DZIP1L: variants seen among roughly 807,000 people sequenced by gnomAD.
DZIP1L encodes the protein cilium assembly protein DZIP1L.
A neutral mutation model predicts 88.7 loss-of-function variants in DZIP1L; 90 were observed. That is an observed-to-expected ratio of 1.02 (90% CI 0.86 to 1.21). The LOEUF is 1.21. Ranked by LOEUF, DZIP1L falls within the 50% of genes most tolerant of loss-of-function variation. The pLI is 0.00. For synonymous variants in DZIP1L, 363 were observed against 372.1 expected, an observed-to-expected ratio of 0.98 and a Z score of 0.28; for missense variants, 932 against 955.8, an observed-to-expected ratio of 0.98 and a Z score of 0.33.
chr3:138,070,262 C>T (rs551244991), intron 12 of DZIP1L, among the ~76,000 whole-genome samples: 8 of 152,224 alleles, frequency 5.3e-5, no homozygotes, highest in Non-Finnish European at 1.0e-4. Flanking sequence ...AAGTACTGTA[C>T]TAAATGAATG....
At chr3:138,078,266 G>A (rs569171252) in intron 10 of DZIP1L, among the ~76,000 whole-genome samples, 1 of 152,156 alleles carries the variant, frequency 6.6e-6, no homozygotes, top group Admixed American at 6.5e-5. Context: ...TCCATCTGGG[G>A]GCCTCTGTGG....
chr3:138,079,785 T>C (rs190868968), intron 10 of DZIP1L, among the ~76,000 whole-genome samples: 2 of 152,164 alleles, frequency 1.3e-5, no homozygotes, highest in East Asian at 3.9e-4. Flanking sequence ...AAAAATAAAA[T>C]ACCCCATGAT....
At chr3:138,099,648 T>C (rs770685174) in intron 2 of DZIP1L, among the ~76,000 whole-genome samples, 1 of 152,164 alleles carries the variant, frequency 6.6e-6, no homozygotes, top group South Asian at 2.1e-4. Context: ...ATCCCTCATA[T>C]ATAGATTAAT....
intron 2 of DZIP1L, 57 bp downstream of exon 2, chr3:138,103,414 C>T (rs1354522752): frequency 1.9e-6 from 3 of 1,538,660 alleles, no homozygotes; most frequent in Non-Finnish European, 2.6e-6. Context: ...CAACAGTTGC[C>T]CCAGTGGCTG....
chr3:138,075,568 A>T lies in DZIP1L; in HGVS notation c.1422+1931T>A, dbSNP rs137999786. Among the ~76,000 whole-genome samples, 25 of 152,382 alleles carry T rather than the reference A, an allele frequency of 1.6e-4. No individual in the cohort carries two copies. The East Asian group carries it at 4.6e-3, about 28-fold the overall frequency. Reference sequence around the variant, plus strand: ...TTCCTGAATAATCGTTGGGTCAACAACGAAATCAAGATGGAAACTTAAAAG... The same window carrying T: ...TTCCTGAATAATCGTTGGGTCAACATCGAAATCAAGATGGAAACTTAAAAG... On this transcript the variant is annotated intron_variant, in intron 11 of 15. Coordinates refer to ENST00000327532, the MANE Select transcript of DZIP1L (RefSeq NM_173543.3).
chr3:138,103,779 A>G lies in DZIP1L; in HGVS notation c.193T>C (p.Cys65Arg), dbSNP rs552755792. Reference sequence around the variant, plus strand: ...CTGCACACCTCCCGGTCCAAGTTGCAGAAGGTGATGCCAGCAATATTCTCC... The same window carrying G: ...CTGCACACCTCCCGGTCCAAGTTGCGGAAGGTGATGCCAGCAATATTCTCC... The part of the protein sequence containing the change: ...LQENIAGITF[C>R]NLDREVCSRC... The change falls in exon 2 of 16, where the codon TGC (cysteine) becomes CGC (arginine). Residue 65 changes from cysteine to arginine, a missense_variant. Cys to Arg is a radical substitution (Grantham distance 180, BLOSUM62 -3). Coordinates refer to ENST00000327532, the MANE Select transcript of DZIP1L (RefSeq NM_173543.3). The G allele has an allele frequency of 6.2e-7, 1 of 1,614,122 alleles. No individual in the cohort carries two copies. Among genetic ancestry groups the G allele is most frequent in the South Asian group, 1.1e-5 (1 of 91,088 alleles).
At chr3:138,079,517 C>A (rs1345907202) in intron 10 of DZIP1L, among the ~76,000 whole-genome samples, 1 of 152,160 alleles carries the variant, frequency 6.6e-6, no homozygotes, top group Non-Finnish European at 1.5e-5. Context: ...TAACTAACTG[C>A]AGAACAATGT....
At chr3:138,072,964 A>T (rs745306022) in intron 11 of DZIP1L, among the ~76,000 whole-genome samples, 22 of 152,054 alleles carry the variant, frequency 1.4e-4, no homozygotes, top group Non-Finnish European at 2.6e-4. Context: ...TGGGAATATA[A>T]CTCCATTGGA....
At chr3:138,111,508 A>G (rs1026681626) in intron 1 of DZIP1L, among the ~76,000 whole-genome samples, 5 of 152,182 alleles carry the variant, frequency 3.3e-5, no homozygotes, top group African/African-American at 1.2e-4. Context: ...TTGCTTCCTG[A>G]GCAGCCCTGA....
intron 4 of DZIP1L, 46 bp downstream of exon 4, chr3:138,094,816 G>A: frequency 6.2e-7 from 1 of 1,612,148 alleles, no homozygotes; most frequent in Non-Finnish European, 8.5e-7. Context: ...GGTCTCCTGG[G>A]TAGTCCATGA....
intron 2 of DZIP1L, chr3:138,101,360 C>T: frequency 1.6e-6 from 1 of 639,266 alleles, no homozygotes; most frequent in African/African-American, 1.8e-5. Flanking sequence ...GGGTTGAGGG[C>T]TAGGGCTGAG....
At chr3:138,068,620 T>A (rs1296057099) in intron 12 of DZIP1L, among the ~76,000 whole-genome samples, 3 of 152,100 alleles carry the variant, frequency 2.0e-5, no homozygotes, top group Non-Finnish European at 4.4e-5. Flanking sequence ...GTGTTGTCAT[T>A]ACTGAAGACC....
Position 138,068,262 on chromosome 3 carries a change from C to A in DZIP1L, c.1721G>T (p.Arg574Leu). 6.3e-7 allele frequency: 1 copy of A among 1,598,038 alleles called. No individual in the cohort carries two copies. The highest frequency in any genetic ancestry group is 8.5e-7 in the Non-Finnish European group (1 of 1,171,904). ...STPAEPPPPT[R>L]QSHGSHGSSL... The stretch of plus-strand genomic sequence containing the variant: ...GGAGCCATGGCTGCCATGGCTCTGA[C>A]GAGTTGGTGGGGGTGGCTCTGCCGG... Residue 574 changes from arginine (R) to leucine (L), a missense_variant, in exon 13 of 16, where the codon CGT becomes CTT. Transcript: ENST00000327532.
chr3:138,067,735 G>A (rs763485652), intron 13 of DZIP1L, 35 bp from the exon 14 acceptor site: 2 of 1,513,318 alleles, frequency 1.3e-6, no homozygotes, highest in Non-Finnish European at 8.8e-7. Flanking sequence ...AGGGATGCAT[G>A]GGCCAGAAAG....
intron 10 of DZIP1L, among the ~76,000 whole-genome samples, chr3:138,078,150 C>G (rs1419578951): frequency 1.3e-5 from 2 of 152,176 alleles, no homozygotes; most frequent in African/African-American, 4.8e-5. Flanking sequence ...TTAAGAAATA[C>G]TGACCTGAGG....
At chr3:138,090,239 A>G (rs1944144589) in intron 5 of DZIP1L, among the ~76,000 whole-genome samples, 1 of 152,220 alleles carries the variant, frequency 6.6e-6, no homozygotes, top group African/African-American at 2.4e-5. Flanking sequence ...AAAGGATATC[A>G]TGGATGGTAA....
At chr3:138,094,038 C>T (rs1056688644) in intron 4 of DZIP1L, among the ~76,000 whole-genome samples, 1 of 152,200 alleles carries the variant, frequency 6.6e-6, no homozygotes, top group Non-Finnish European at 1.5e-5. Context: ...TTCGACATGC[C>T]TTCATCACTA....
intron 7 of DZIP1L, 42 bp from the exon 8 acceptor site, chr3:138,084,295 G>A: frequency 6.2e-7 from 1 of 1,600,428 alleles, no homozygotes; most frequent in Non-Finnish European, 8.5e-7. Context: ...TGTCTGCAGG[G>A]ACATCTTAGT....
intron 1 of DZIP1L, among the ~76,000 whole-genome samples, chr3:138,106,127 C>CTTTTTTTTTT (rs56146259): frequency 3.1e-4 from 20 of 64,530 alleles, no homozygotes; most frequent in Non-Finnish European, 3.9e-4. Context: ...AGTCTTCTTT[C>CTTTTTTTTTT]TTTTTTTTTT....
Sources: gnomAD v4.1 joint callset for allele counts (sites outside exome capture counted in the v4.1 genomes callset) on GRCh38, gnomAD v4.1.1 for gene constraint, MANE v1.5 for transcripts, NCBI Gene and HGNC (gene_info 2026-07-23, HGNC 2026-07-21) for gene names.